Variants in SYNE1 observed in about 807,000 individuals in gnomAD.
SYNE1 encodes the protein spectrin repeat containing nuclear envelope protein 1, also known as nesprin-1.
A neutral mutation model predicts 1,111.0 loss-of-function variants in SYNE1; 616 were observed. That is an observed-to-expected ratio of 0.55 (90% confidence interval 0.52 to 0.59). The LOEUF is 0.59. Among genes scored for constraint, SYNE1 ranks in the 20% least tolerant of loss-of-function variants. The pLI, the probability that SYNE1 is intolerant of heterozygous loss-of-function variation, is 0.00. For missense variants in SYNE1, 10,006 were observed against 10,417.0 expected (o/e 0.96, Z 1.72); for synonymous variants, 3,855 against 3,825.8 (o/e 1.01, Z -0.28).
Position 152,463,355 on chromosome 6 carries a change from G to C in SYNE1, c.2095C>G (p.Gln699Glu). 1 of 1,613,570 alleles carries C rather than the reference G, an allele frequency of 6.2e-7. No homozygotes were observed. The highest frequency in any genetic ancestry group is 8.5e-7 in the Non-Finnish European group (1 of 1,179,664). The change falls in exon 19 of 146, where the codon CAA (glutamine) becomes GAA (glutamate). Residue 699 changes from glutamine (Q) to glutamate (E), a missense_variant and splice_region_variant. Gln to Glu is a conservative substitution (Grantham distance 29). Around this residue, in one of 7 missense-constraint regions of SYNE1, gnomAD observed 1,971 missense variants for 2,084.1 expected, o/e 0.95. Transcript: ENST00000367255. ...RWRELFMEVK[Q>E]YAQADEMDRM... The stretch of plus-strand genomic sequence containing the variant: ...GTATATAGACTTGAAAGACATACTT[G>C]CTTGACTTCCATAAACAACTCCCTC...
chr6:152,378,941 C>A (rs1404492584), intron 56 of SYNE1, among the ~76,000 whole-genome samples: 1 of 152,164 alleles, frequency 6.6e-6, no homozygotes, highest in African/African-American at 2.4e-5. Flanking sequence ...GAGTCTAAGA[C>A]ATTTTTATTT....
At chr6:152,450,104 T>TG (rs1462161531) in intron 27 of SYNE1, among the ~76,000 whole-genome samples, 2 of 152,210 alleles carry the variant, frequency 1.3e-5, no homozygotes, top group Non-Finnish European at 2.9e-5. Context: ...AATTGAATCA[T>TG]GGGGGCAGTT....
intron 106 of SYNE1, 47 bp downstream of exon 106, chr6:152,244,490 A>G: frequency 6.2e-7 from 1 of 1,613,542 alleles, no homozygotes; most frequent in Non-Finnish European, 8.5e-7. Context: ...CTAGACTTCA[A>G]GTTTGATGTA....
chr6:152,572,869 A>G (rs1408992852), intron 3 of SYNE1, among the ~76,000 whole-genome samples: 1 of 152,164 alleles, frequency 6.6e-6, no homozygotes, highest in Non-Finnish European at 1.5e-5. Context: ...AAGGCAGGAA[A>G]AGCCAACAGA....
intron 56 of SYNE1, among the ~76,000 whole-genome samples, chr6:152,377,854 T>C (rs955994769): frequency 2.6e-5 from 4 of 151,846 alleles, no homozygotes; most frequent in African/African-American, 7.3e-5. Flanking sequence ...TTTGCTGGAT[T>C]CTGGGACCCA....
chr6:152,206,183 T>C lies in SYNE1; in HGVS notation c.23004A>G (p.Leu7668=). Residue 7668 remains leucine (L), a synonymous_variant, in exon 126 of 146, where the codon CTA becomes CTG. Transcript: ENST00000367255. ...CTGAACTTACTTTCAACAAGAAGGCTAGTTTTTTCTTCTGTTCTTCCAGCC... is the reference window on the plus strand; with the variant it reads ...CTGAACTTACTTTCAACAAGAAGGCCAGTTTTTTCTTCTGTTCTTCCAGCC... The part of the protein sequence containing the change: ...SMRLEEQKKK[L]AFLLKDWEKC... The C allele has an allele frequency of 6.2e-7, 1 of 1,613,634 alleles. No homozygotes were observed. Among genetic ancestry groups the C allele is most frequent in the Non-Finnish European group, 8.5e-7 (1 of 1,180,020 alleles).
intron 100 of SYNE1, 98 bp from the exon 101 acceptor site, chr6:152,262,286 A>G: frequency 1.8e-6 from 2 of 1,117,652 alleles, no homozygotes; most frequent in East Asian, 4.7e-5. Context: ...CTCAAATGAA[A>G]TAAGATTACC....
intron 3 of SYNE1, among the ~76,000 whole-genome samples, chr6:152,558,033 A>G (rs1337569019): frequency 6.6e-6 from 1 of 152,186 alleles, no homozygotes; most frequent in East Asian, 1.9e-4. Flanking sequence ...ATATAAAAAG[A>G]TGTAAATTGT....
intron 32 of SYNE1, among the ~76,000 whole-genome samples, chr6:152,439,651 C>A (rs1225017262): frequency 2.0e-5 from 3 of 152,024 alleles, no homozygotes; most frequent in Non-Finnish European, 4.4e-5. Context: ...TTAGGAGAAA[C>A]AAAAAATTAG....
At position 152,323,646 on chromosome 6, in the gene SYNE1, A is replaced by T. The variant is rs753358883; in HGVS notation, c.15749T>A (p.Leu5250His). ...AACGAACGTGTCGTGGTATTCAAGA[A>T]GAGTTAAGAGCTCTGCTTTCGATGC... ...EKASKAELLT[L>H]LEYHDTFVLE... The change falls in exon 82 of 146, where the codon CTT becomes CAT. Residue 5250 changes from leucine (L) to histidine (H), a missense_variant. Physicochemically the swap from Leu to His is moderately conservative, Grantham distance 99 (BLOSUM62 -3). Transcript: ENST00000367255. The T allele has an allele frequency of 2.0e-5, 32 of 1,614,246 alleles. No homozygotes were observed. The highest frequency in any genetic ancestry group is 2.7e-5 in the Non-Finnish European group (32 of 1,180,032).
intron 3 of SYNE1, among the ~76,000 whole-genome samples, chr6:152,569,840 G>A (rs1169871852): frequency 6.6e-6 from 1 of 152,102 alleles, no homozygotes; most frequent in African/African-American, 2.4e-5. Flanking sequence ...AGATATGTTT[G>A]TTTGATTTTT....
At chr6:152,261,369 T>C (rs1362034155) in intron 101 of SYNE1, among the ~76,000 whole-genome samples, 1 of 152,188 alleles carries the variant, frequency 6.6e-6, no homozygotes, top group African/African-American at 2.4e-5. Flanking sequence ...GACTTCCAGT[T>C]GTTCCCTGGC....
At chr6:152,605,026 GA>G (rs1565141174) in intron 3 of SYNE1, among the ~76,000 whole-genome samples, 16 of 73,266 alleles carry the variant, frequency 2.2e-4, no homozygotes, top group African/African-American at 5.7e-4. Context: ...GAGAGAGAGA[GA>G]GAGAGAGAGG....
chr6:152,465,063 C>T (rs1196412790), intron 18 of SYNE1, 195 bp downstream of exon 18: 1 of 627,414 alleles, frequency 1.6e-6, no homozygotes, highest in Non-Finnish European at 2.8e-6. Context: ...TGGATTTACT[C>T]AACCCTCCAT....
At position 152,326,462 on chromosome 6, in the gene SYNE1, C is replaced by G. The variant is rs1373917177; in HGVS notation, c.15127G>C (p.Asp5043His). Residue 5043 changes from aspartate to histidine, a missense_variant, in exon 79 of 146, where the codon GAT becomes CAT. Physicochemically the swap from Asp to His is moderately conservative, Grantham distance 81 (BLOSUM62 -1). This residue lies in a region of SYNE1 where 4,955 missense variants were observed against 5,017.2 expected (regional missense o/e 0.99). Transcript: ENST00000367255. The part of the protein sequence containing the change: ...KSHMEFFSTE[D>H]QFHSNLEELH... ...TCCTCCAGGTTACTATGGAACTGAT[C>G]CTCTGTACTGAAAAATTCCATGTGG... 1 of 1,614,174 alleles carries G rather than the reference C, an allele frequency of 6.2e-7. No homozygotes were observed. The highest frequency in any genetic ancestry group is 2.2e-5 in the East Asian group (1 of 44,876).
chr6:152,616,746 A>G (rs1226844958), intron 3 of SYNE1, among the ~76,000 whole-genome samples: 1 of 152,010 alleles, frequency 6.6e-6, no homozygotes, highest in Non-Finnish European at 1.5e-5. Flanking sequence ...TCTACCTCTT[A>G]ATTCCTCTTC....
At chr6:152,351,483 T>G (rs1422369791) in intron 70 of SYNE1, among the ~76,000 whole-genome samples, 1 of 152,238 alleles carries the variant, frequency 6.6e-6, no homozygotes, top group Non-Finnish European at 1.5e-5. Context: ...AAAATTTGAG[T>G]GGGTGAAGTA....
intron 95 of SYNE1, 139 bp from the exon 96 acceptor site, chr6:152,284,311 G>A: frequency 1.1e-6 from 1 of 879,138 alleles, no homozygotes; most frequent in South Asian, 1.4e-5. Context: ...ACAAATAGCA[G>A]CCTACTCACC....
rs572436818 is a variant in SYNE1, at chr6:152,446,363, A to G, written c.3669+1095T>C. ...GTTATGTTCCAAAATTTGATTAATC[A>G]TAGAACTATTTTCAATTTGTCAAAA... On this transcript the variant is annotated intron_variant, in intron 29 of 145. Coordinates refer to ENST00000367255, the MANE Select transcript of SYNE1 (RefSeq NM_182961.4). Among the ~76,000 whole-genome samples, 5 of 152,298 alleles carry G rather than the reference A, an allele frequency of 3.3e-5. No individual in the cohort carries two copies. In the South Asian group the frequency reaches 1.0e-3, roughly 32 times the overall value.
Sources: gnomAD v4.1 joint callset for allele counts (sites outside exome capture counted in the v4.1 genomes callset) on GRCh38, gnomAD v4.1.1 for gene constraint, gnomAD v4.1.1 regional missense constraint, MANE v1.5 for transcripts, NCBI Gene and HGNC (gene_info 2026-07-23, HGNC 2026-07-21) for gene names.